Variants in NOL4 observed in about 807,000 individuals in gnomAD.
NOL4 encodes cancer/testis antigen 125.
NOL4 carries 17 observed loss-of-function variants against 75.9 expected under a neutral mutation model. That is an observed-to-expected ratio of 0.22 (90% CI 0.15 to 0.34). The LOEUF (loss-of-function observed/expected upper bound fraction) is 0.34, where lower values mean the gene tolerates loss of function less well. Among genes scored for constraint, NOL4 ranks in the 10% least tolerant of loss-of-function variants. NOL4 has a pLI of 1.00. For missense variants in NOL4, 614 were observed against 793.5 expected (o/e 0.77, Z 2.72); for synonymous variants, 292 against 289.9 (o/e 1.01, Z -0.07).
chr18:33,875,965 G>A (rs973370827), intron 10 of NOL4, among the ~76,000 whole-genome samples: 1 of 152,004 alleles, frequency 6.6e-6, no homozygotes, highest in Non-Finnish European at 1.5e-5. Context: ...AGAGTGGAAG[G>A]ATGATGAGGT....
intron 5 of NOL4, among the ~76,000 whole-genome samples, chr18:34,093,023 T>G (rs1237829027): frequency 6.6e-6 from 1 of 152,202 alleles, no homozygotes; most frequent in African/African-American, 2.4e-5. Context: ...TGGTAAAATT[T>G]CCTTTAATAT....
intron 8 of NOL4, among the ~76,000 whole-genome samples, chr18:33,951,030 T>C (rs1462554719): frequency 6.6e-6 from 1 of 152,142 alleles, no homozygotes; most frequent in East Asian, 1.9e-4. Flanking sequence ...AGCTCAGAGA[T>C]AGAAAATCAA....
intron 4 of NOL4, among the ~76,000 whole-genome samples, chr18:34,095,294 T>C (rs2078724615): frequency 6.7e-6 from 1 of 149,612 alleles, no homozygotes; most frequent in Non-Finnish European, 1.5e-5. Flanking sequence ...TATGCAAAAA[T>C]AAGAGACTTC....
At position 33,960,839 on chromosome 18, in the gene NOL4, C is replaced by A. The variant is rs114630897; in HGVS notation, c.1057-2421G>T. On this transcript the variant is annotated intron_variant, in intron 6 of 10. Coordinates refer to ENST00000261592, the MANE Select transcript of NOL4 (RefSeq NM_003787.5). ...TTATTGTTATAATATCAGTAGAAAT[C>A]AATTCCTAAGGCACTGTATTTCTTG... 8.6e-3 allele frequency among the ~76,000 whole-genome samples: 1,308 copies of A among 152,166 alleles called. 21 individuals are homozygous for A. Among genetic ancestry groups the A allele is most frequent in the African/African-American group, 0.03 (1,258 of 41,532 alleles).
intron 9 of NOL4, among the ~76,000 whole-genome samples, chr18:33,925,021 G>A (rs905008656): frequency 2.0e-5 from 3 of 151,700 alleles, no homozygotes; most frequent in Non-Finnish European, 2.9e-5. Context: ...GCAACAAGGA[G>A]GAAACACATT....
chr18:34,159,148 G>A (rs1218678134), intron 1 of NOL4, among the ~76,000 whole-genome samples: 2 of 152,142 alleles, frequency 1.3e-5, no homozygotes, highest in Non-Finnish European at 2.9e-5. Flanking sequence ...CAACGCTGGA[G>A]GGGGTGGCAG....
At chr18:33,873,209 T>C (rs2144525825) in intron 10 of NOL4, among the ~76,000 whole-genome samples, 1 of 151,832 alleles carries the variant, frequency 6.6e-6, no homozygotes, top group African/African-American at 2.4e-5. Flanking sequence ...GGCTATACTC[T>C]ATAAAATTAT....
chr18:33,996,526 G>A lies in NOL4; in HGVS notation c.1056+22792C>T, dbSNP rs564102380. ...GAAGTATGAATGAATCCATCACCAAGGTAGTGAGCATAGTATCCAATAGGT... is the reference window on the plus strand; with the variant it reads ...GAAGTATGAATGAATCCATCACCAAAGTAGTGAGCATAGTATCCAATAGGT... On this transcript the variant is annotated intron_variant, in intron 6 of 10. Coordinates refer to ENST00000261592, the MANE Select transcript of NOL4 (RefSeq NM_003787.5). Among the ~76,000 whole-genome samples, 3 of 151,798 alleles carry A rather than the reference G, an allele frequency of 2.0e-5. No homozygotes were observed. In the South Asian group the frequency reaches 6.2e-4, roughly 32 times the overall value.
intron 8 of NOL4, among the ~76,000 whole-genome samples, chr18:33,948,712 G>A (rs2069004448): frequency 6.6e-6 from 1 of 151,996 alleles, no homozygotes; most frequent in Non-Finnish European, 1.5e-5. Context: ...CATGAGAAAT[G>A]TGCATAAAGT....
intron 8 of NOL4, among the ~76,000 whole-genome samples, chr18:33,943,502 G>C (rs1285807406): frequency 6.6e-6 from 1 of 151,584 alleles, no homozygotes; most frequent in Non-Finnish European, 1.5e-5. Flanking sequence ...AATAAAACAA[G>C]GTCTTTAATT....
At chr18:33,857,678 C>A (rs917405425) in intron 10 of NOL4, among the ~76,000 whole-genome samples, 2 of 151,962 alleles carry the variant, frequency 1.3e-5, no homozygotes, top group African/African-American at 2.4e-5. Context: ...TCTATTCTGA[C>A]AAAATTTCAC....
intron 10 of NOL4, among the ~76,000 whole-genome samples, chr18:33,873,814 ATAATGGACAGG>A (rs1264505940): frequency 6.6e-6 from 1 of 152,056 alleles, no homozygotes; most frequent in African/African-American, 2.4e-5. Flanking sequence ...AAAGCAGCAC[ATAATGGACAGG>A]TAAAATAATA....
At chr18:33,885,967 A>C (rs879573110) in intron 9 of NOL4, among the ~76,000 whole-genome samples, 2 of 152,216 alleles carry the variant, frequency 1.3e-5, no homozygotes, top group Non-Finnish European at 2.9e-5. Flanking sequence ...GTACATATAC[A>C]CAATGGAGTG....
chr18:34,042,958 G>A (rs1315984973), intron 5 of NOL4, among the ~76,000 whole-genome samples: 2 of 152,104 alleles, frequency 1.3e-5, no homozygotes, highest in East Asian at 1.9e-4. Context: ...AACCTGTGTG[G>A]TTTGGACGTA....
chr18:33,955,754 T>A (rs2069596112), intron 8 of NOL4, among the ~76,000 whole-genome samples: 1 of 152,178 alleles, frequency 6.6e-6, no homozygotes, highest in Non-Finnish European at 1.5e-5. Context: ...AGCAGCCTAG[T>A]AAACAATGAC....
chr18:33,898,881 G>A (rs2065580796), intron 9 of NOL4, among the ~76,000 whole-genome samples: 1 of 152,062 alleles, frequency 6.6e-6, no homozygotes, highest in Non-Finnish European at 1.5e-5. Context: ...TCTGTCACCT[G>A]CCCTTATGGC....
chr18:33,903,149 G>A (rs547416491), intron 9 of NOL4, among the ~76,000 whole-genome samples: 30 of 152,142 alleles, frequency 2.0e-4, no homozygotes, highest in Non-Finnish European at 3.7e-4. Flanking sequence ...TCACAATTCT[G>A]TATGGCTGGG....
At chr18:33,986,886 A>G (rs941042702) in intron 6 of NOL4, among the ~76,000 whole-genome samples, 2 of 152,132 alleles carry the variant, frequency 1.3e-5, no homozygotes, top group African/African-American at 4.8e-5. Flanking sequence ...CAGTTGGTAA[A>G]TAAATTGTGG....
intron 1 of NOL4, among the ~76,000 whole-genome samples, chr18:34,181,963 A>T (rs2034076670): frequency 6.6e-6 from 1 of 151,594 alleles, no homozygotes; most frequent in South Asian, 2.1e-4. Flanking sequence ...TGCTCTGGGG[A>T]TCTAAATGGT....
Sources: gnomAD v4.1 joint callset for allele counts (sites outside exome capture counted in the v4.1 genomes callset) on GRCh38, gnomAD v4.1.1 for gene constraint, MANE v1.5 for transcripts, NCBI Gene and HGNC (gene_info 2026-07-23, HGNC 2026-07-21) for gene names.